Variants in ENTREP2 observed in about 807,000 individuals in gnomAD.
ENTREP2 encodes the protein protein ENTREP2.
chr15:29,286,670 G>A, the ENTREP2 span, among the ~76,000 whole-genome samples: 5 of 152,208 alleles, frequency 3.3e-5, no homozygotes, highest in East Asian at 1.9e-4. Flanking sequence ...CTCCTTGCAC[G>A]GACAGAGCTC....
the ENTREP2 span, among the ~76,000 whole-genome samples, chr15:29,329,098 C>T: frequency 6.6e-6 from 1 of 152,154 alleles, no homozygotes; most frequent in South Asian, 2.1e-4. Flanking sequence ...CGCAGTGGCT[C>T]ACACCTGTAA....
the ENTREP2 span, among the ~76,000 whole-genome samples, chr15:29,544,737 A>C: frequency 6.6e-6 from 1 of 152,098 alleles, no homozygotes; most frequent in Non-Finnish European, 1.5e-5. Flanking sequence ...TTAGGTTCTG[A>C]ATTTCTTAAG....
chr15:29,435,710 T>C, the ENTREP2 span, among the ~76,000 whole-genome samples: 1 of 149,914 alleles, frequency 6.7e-6, no homozygotes, highest in Admixed American at 6.6e-5. Context: ...ATATACAATA[T>C]GTGTGTGTGT....
At chr15:29,673,249 T>C in the ENTREP2 span, among the ~76,000 whole-genome samples, 1 of 152,180 alleles carries the variant, frequency 6.6e-6, no homozygotes, top group South Asian at 2.1e-4. Flanking sequence ...CCAGCTTCTT[T>C]ACCACATCCT....
At chr15:29,186,478 A>G in the ENTREP2 span, among the ~76,000 whole-genome samples, 2 of 152,226 alleles carry the variant, frequency 1.3e-5, no homozygotes, top group South Asian at 4.1e-4. Flanking sequence ...TGCAATCTGG[A>G]AGGAGGCTGT....
At chr15:29,644,258 A>T in the ENTREP2 span, among the ~76,000 whole-genome samples, 1 of 152,182 alleles carries the variant, frequency 6.6e-6, no homozygotes, top group Non-Finnish European at 1.5e-5. Context: ...TAGAAAGTAG[A>T]TTACCGGTTG....
the ENTREP2 span, among the ~76,000 whole-genome samples, chr15:29,446,548 G>A: frequency 5.4e-4 from 82 of 152,326 alleles, no homozygotes; most frequent in South Asian, 8.3e-4. Context: ...AGGAGGAGGA[G>A]CCTCGGTCCC....
chr15:29,466,701 T>A, the ENTREP2 span, among the ~76,000 whole-genome samples: 38 of 89,760 alleles, frequency 4.2e-4, no homozygotes, highest in African/African-American at 1.7e-3. Context: ...AGGATGCTGA[T>A]GGCCCCAGGG....
chr15:29,626,080 T>C, the ENTREP2 span, among the ~76,000 whole-genome samples: 1 of 152,208 alleles, frequency 6.6e-6, no homozygotes, highest in African/African-American at 2.4e-5. Context: ...ACTCGTGACC[T>C]ATATGATCAA....
chr15:29,137,069 T>C, the ENTREP2 span: 2 of 1,456,336 alleles, frequency 1.4e-6, no homozygotes, highest in Admixed American at 3.5e-5. Flanking sequence ...AGGTGTACTC[T>C]GGGGGGTAAT....
At chr15:29,553,032 A>C in the ENTREP2 span, among the ~76,000 whole-genome samples, 1 of 152,240 alleles carries the variant, frequency 6.6e-6, no homozygotes, top group Non-Finnish European at 1.5e-5. Context: ...GTGGTGGCTC[A>C]CGCCTGTAAT....
At chr15:29,663,042 C>T in the ENTREP2 span, among the ~76,000 whole-genome samples, 1,234 of 152,110 alleles carry the variant, frequency 8.1e-3, 53 homozygotes, top group Admixed American at 0.07. Context: ...AACGGTTGCC[C>T]GGAATCCCGT....
chr15:29,664,449 T>TC, the ENTREP2 span, among the ~76,000 whole-genome samples: 24 of 106,428 alleles, frequency 2.3e-4, no homozygotes, highest in African/African-American at 3.9e-4. Context: ...TCTCTCTCTC[T>TC]TTTTTTTTTT....
chr15:29,419,967 T>G, the ENTREP2 span, among the ~76,000 whole-genome samples: 1 of 151,886 alleles, frequency 6.6e-6, no homozygotes, highest in Non-Finnish European at 1.5e-5. Context: ...AAATGAAGAT[T>G]GATGAAAGGG....
the ENTREP2 span, among the ~76,000 whole-genome samples, chr15:29,402,314 GTGTGTA>G: frequency 7.0e-3 from 992 of 141,010 alleles, 22 homozygotes; most frequent in African/African-American, 0.026. Context: ...GTGTGTGTGT[GTGTGTA>G]TATATGTATA....
chr15:29,380,077 G>T, the ENTREP2 span, among the ~76,000 whole-genome samples: 1 of 151,926 alleles, frequency 6.6e-6, no homozygotes, highest in Non-Finnish European at 1.5e-5. Context: ...GGAGGTGGGG[G>T]GTGGGGAGAT....
chr15:29,573,333 A>G, the ENTREP2 span, among the ~76,000 whole-genome samples: 1 of 152,200 alleles, frequency 6.6e-6, no homozygotes, highest in Non-Finnish European at 1.5e-5. Flanking sequence ...TTTTGTTGAT[A>G]AAATGAAAAC....
chr15:29,478,673 G>A, the ENTREP2 span, among the ~76,000 whole-genome samples: 1 of 151,826 alleles, frequency 6.6e-6, no homozygotes, highest in Non-Finnish European at 1.5e-5. Flanking sequence ...GGGAGGCCGA[G>A]GCAGGAGGAT....
the ENTREP2 span, among the ~76,000 whole-genome samples, chr15:29,646,624 C>T: frequency 6.6e-6 from 1 of 152,164 alleles, no homozygotes; most frequent in Non-Finnish European, 1.5e-5. Flanking sequence ...TAGGCTCACA[C>T]AGATAATCTC....
Sources: allele counts gnomAD v4.1 joint callset (sites outside exome capture counted in the v4.1 genomes callset), GRCh38; gene constraint gnomAD v4.1.1; transcripts MANE v1.5; gene names NCBI Gene and HGNC (gene_info 2026-07-23, HGNC 2026-07-21).